C2CD5: variants seen among roughly 807,000 people sequenced by gnomAD.
C2CD5 encodes the protein C2 domain-containing protein 5.
C2CD5 carries 109 observed loss-of-function variants against 130.3 expected under a neutral mutation model. The observed-to-expected ratio is 0.84, with a 90% CI of 0.72 to 0.98. The LOEUF (loss-of-function observed/expected upper bound fraction) is 0.98. C2CD5 is among the 50% of genes least tolerant of loss of function. The pLI is 0.00. For missense variants in C2CD5, 996 were observed against 1,261.8 expected, an observed-to-expected ratio of 0.79 and a Z score of 3.19; for synonymous variants, 454 against 429.2, an observed-to-expected ratio of 1.06 and a Z score of -0.71.
At chr12:22,462,004 G>A (rs1941262006) in intron 22 of C2CD5, among the ~76,000 whole-genome samples, 1 of 152,154 alleles carries the variant, frequency 6.6e-6, no homozygotes, top group African/African-American at 2.4e-5. Context: ...GATGACCTCA[G>A]ACTCCCAGGC....
chr12:22,534,713 A>G (rs1951660489), intron 3 of C2CD5: 1 of 152,764 alleles, frequency 6.5e-6, no homozygotes, highest in Admixed American at 6.5e-5. Flanking sequence ...TGAAATATCT[A>G]GCATAAGCAA....
At chr12:22,494,495 T>C (rs1409267219) in intron 10 of C2CD5, among the ~76,000 whole-genome samples, 1 of 152,114 alleles carries the variant, frequency 6.6e-6, no homozygotes, top group Non-Finnish European at 1.5e-5. Context: ...AGGCGTGTTA[T>C]AGCTCACATT....
At position 22,458,477 on chromosome 12, in the gene C2CD5, C is replaced by T. The variant is rs192066702; in HGVS notation, c.2686+7G>A. On this transcript the variant is annotated splice_region_variant and intron_variant, in intron 24 of 26. Coordinates refer to ENST00000446597, the MANE Select transcript of C2CD5 (RefSeq NM_001286176.2). ...ATTATCATAATGTGGTAGAAACATC[C>T]GCCTACTTGTCTTAATTGATCCACG... The T allele has an allele frequency of 6.8e-3, 8,276 of 1,211,392 alleles. 50 individuals carry two copies. Among genetic ancestry groups the T allele is most frequent in the Middle Eastern group, 9.1e-3 (44 of 4,824 alleles). 75.0% of individuals were successfully genotyped at this position (1,211,392 alleles called of 1,614,324 possible).
intron 14 of C2CD5, among the ~76,000 whole-genome samples, chr12:22,480,185 C>T (rs979868306): frequency 3.3e-5 from 5 of 152,184 alleles, no homozygotes; most frequent in Admixed American, 3.3e-4. Flanking sequence ...AACGAAGCAA[C>T]AGCCCTGAAC....
Position 22,544,443 on chromosome 12 carries a change from A to C in C2CD5, c.-153T>G, listed in dbSNP as rs369851826. 287 of 275,214 alleles carry C rather than the reference A, an allele frequency of 1.0e-3. No individual in the cohort carries two copies. The highest frequency in any genetic ancestry group is 6.0e-3 in the African/African-American group (267 of 44,232). The allele number at this position is 275,214 out of a possible 1,614,324, so 17.0% of individuals were successfully genotyped here. A position where few individuals can be genotyped will look rare whatever the true frequency, so the allele number is the denominator to read the frequency against. On this transcript the variant is annotated 5_prime_UTR_variant, in exon 1 of 27. Coordinates refer to ENST00000446597, the MANE Select transcript of C2CD5 (RefSeq NM_001286176.2). ...CCACAAGGCTGGGACGAAAAGCAAA[A>C]CCCAGTCAGCATCCCGTTGAGCCTC...
chr12:22,453,529 T>C (rs1939143922), intron 26 of C2CD5, among the ~76,000 whole-genome samples: 1 of 152,150 alleles, frequency 6.6e-6, no homozygotes, highest in African/African-American at 2.4e-5. Flanking sequence ...TGATATACTC[T>C]TCATTAGTAA....
intron 12 of C2CD5, 29 bp downstream of exon 12, chr12:22,490,094 T>C (rs2136427154): frequency 6.4e-7 from 1 of 1,556,740 alleles, no homozygotes. Flanking sequence ...TCTGCCCTTA[T>C]AGAAAATAAG....
At position 22,480,195 on chromosome 12, in the gene C2CD5, C is replaced by T. The variant is rs186313875; in HGVS notation, c.1738-1718G>A. ...TCATTAACGAAGCAACAGCCCTGAACAGCTGAGAACACAGACTCTGGCATC... is the reference window on the plus strand; with the variant it reads ...TCATTAACGAAGCAACAGCCCTGAATAGCTGAGAACACAGACTCTGGCATC... On this transcript the variant is annotated intron_variant, in intron 14 of 26. Coordinates refer to ENST00000446597, the MANE Select transcript of C2CD5 (RefSeq NM_001286176.2). Among the ~76,000 whole-genome samples the T allele has an allele frequency of 3.3e-3, 497 of 152,302 alleles. 1 individual carries two copies. The highest frequency in any genetic ancestry group is 3.6e-3 in the Non-Finnish European group (246 of 68,020).
intron 7 of C2CD5, among the ~76,000 whole-genome samples, chr12:22,522,683 A>T (rs1950374497): frequency 6.6e-6 from 1 of 152,176 alleles, no homozygotes; most frequent in African/African-American, 2.4e-5. Context: ...TTATTCATAT[A>T]AACTCCCTGG....
intron 12 of C2CD5, among the ~76,000 whole-genome samples, chr12:22,487,276 G>A (rs1301678096): frequency 3.3e-5 from 5 of 151,942 alleles, no homozygotes; most frequent in South Asian, 2.1e-4. Context: ...GCAACCTACA[G>A]AATGGGAGAA....
intron 2 of C2CD5, 30 bp from the exon 3 acceptor site, chr12:22,535,374 T>C (rs372238145): frequency 1.5e-5 from 17 of 1,162,318 alleles, no homozygotes; most frequent in African/African-American, 6.1e-5. Flanking sequence ...TATTCACATA[T>C]GAATATCAAA....
intron 8 of C2CD5, 51 bp from the exon 9 acceptor site, chr12:22,513,430 A>C: frequency 8.9e-7 from 1 of 1,122,092 alleles, no homozygotes; most frequent in Non-Finnish European, 1.4e-6. Flanking sequence ...CTATAGAAAC[A>C]AAGTTTAATT....
rs772101667 is a variant in C2CD5 at position 22,484,873 on chromosome 12, C to G, written c.1374G>C (p.Leu458Phe). Reference protein sequence around the residue: ...GCLEQRLEENLPTRCGFCHIP... With the variant: ...GCLEQRLEENFPTRCGFCHIP... ...TATGACAAAATCCACAACGTGTAGGCAAATTTTCTTCAAGCCTATATAAAT... is the reference window on the plus strand; with the variant it reads ...TATGACAAAATCCACAACGTGTAGGGAAATTTTCTTCAAGCCTATATAAAT... Residue 458 changes from leucine to phenylalanine, a missense_variant, in exon 13 of 27, where the codon TTG becomes TTC. This residue lies in a region of C2CD5 where 590 missense variants were observed against 631.4 expected (regional missense o/e 0.93). Coordinates refer to ENST00000446597, the MANE Select transcript of C2CD5 (RefSeq NM_001286176.2). The G allele has an allele frequency of 4.6e-6, 7 of 1,531,692 alleles. No homozygotes were observed. The highest frequency in any genetic ancestry group is 6.2e-6 in the Non-Finnish European group (7 of 1,137,500). The allele number at this position is 1,531,692 out of a possible 1,614,324, so 94.9% of individuals were successfully genotyped here. A position where few individuals can be genotyped will look rare whatever the true frequency, so the allele number is the denominator to read the frequency against.
intron 13 of C2CD5, among the ~76,000 whole-genome samples, chr12:22,483,081 T>C (rs1591790779): frequency 6.6e-6 from 1 of 152,240 alleles, no homozygotes; most frequent in South Asian, 2.1e-4. Flanking sequence ...CGTGAGGGGA[T>C]GGATACCCCA....
At chr12:22,513,002 A>G (rs1949356685) in intron 9 of C2CD5, among the ~76,000 whole-genome samples, 1 of 152,096 alleles carries the variant, frequency 6.6e-6, no homozygotes, top group African/African-American at 2.4e-5. Context: ...TCTCCTTTCC[A>G]ATGATAAACG....
At chr12:22,490,361 A>G (rs1265000226) in intron 11 of C2CD5, 143 bp from the exon 12 acceptor site, 1 of 466,304 alleles carries the variant, frequency 2.1e-6, no homozygotes, top group Non-Finnish European at 3.8e-6. Context: ...TACGAGGTTT[A>G]CCTCCTAAAC....
chr12:22,492,078 C>A (rs1415334515), intron 11 of C2CD5, among the ~76,000 whole-genome samples: 1 of 151,992 alleles, frequency 6.6e-6, no homozygotes, highest in Non-Finnish European at 1.5e-5. Flanking sequence ...AAAAGAAAAG[C>A]CCACAGAAGA....
chr12:22,494,793 G>A (rs1419119791), intron 10 of C2CD5, among the ~76,000 whole-genome samples: 1 of 152,046 alleles, frequency 6.6e-6, no homozygotes, highest in East Asian at 1.9e-4. Flanking sequence ...ACAATTAAGT[G>A]AACCTATTTT....
intron 8 of C2CD5, among the ~76,000 whole-genome samples, chr12:22,515,829 A>G (rs1244360964): frequency 6.6e-6 from 1 of 152,010 alleles, no homozygotes; most frequent in Non-Finnish European, 1.5e-5. Context: ...TATAAAAACT[A>G]TACATAGTTA....
Sources: gnomAD v4.1 joint callset for allele counts (sites outside exome capture counted in the v4.1 genomes callset) on GRCh38, gnomAD v4.1.1 for gene constraint, gnomAD v4.1.1 regional missense constraint, MANE v1.5 for transcripts, NCBI Gene and HGNC (gene_info 2026-07-23, HGNC 2026-07-21) for gene names.